The following XRN1 variants were observed in gnomAD, a reference collection of about 807,000 sequenced individuals.
XRN1 encodes 5'-3' exoribonuclease 1, also known as strand-exchange protein 1 homolog.
XRN1 carries 67 observed loss-of-function variants against 222.3 expected under a neutral mutation model. The ratio of observed to expected loss-of-function variants is 0.30; its 90% CI spans 0.25 to 0.37. The LOEUF (loss-of-function observed/expected upper bound fraction) is 0.37. Ranked by LOEUF, XRN1 falls within the 10% of genes least tolerant of loss-of-function variation. XRN1 has a pLI of 1.00. For synonymous variants in XRN1, 643 were observed against 652.4 expected (o/e 0.99, Z 0.22); for missense variants, 1,707 against 2,000.2 (o/e 0.85, Z 2.80).
intron 2 of XRN1, 25 bp downstream of exon 2, chr3:142,432,636 C>T (rs759860798): frequency 1.7e-5 from 25 of 1,507,056 alleles, no homozygotes; most frequent in Admixed American, 2.2e-5. Flanking sequence ...AAATAATATT[C>T]CAAAATAAAA....
At chr3:142,408,036 T>C (rs1055429991) in intron 15 of XRN1, among the ~76,000 whole-genome samples, 2 of 152,242 alleles carry the variant, frequency 1.3e-5, no homozygotes, top group Non-Finnish European at 1.5e-5. Flanking sequence ...CTTCAGGTCA[T>C]ATATGGACAT....
intron 39 of XRN1, among the ~76,000 whole-genome samples, chr3:142,314,954 T>G (rs1335710795): frequency 6.9e-6 from 1 of 145,048 alleles, no homozygotes; most frequent in Non-Finnish European, 1.5e-5. Flanking sequence ...GTCGTCTGTT[T>G]TTTTTTTTTT....
At chr3:142,375,717 A>G (rs2067122028) in intron 25 of XRN1, 81 bp downstream of exon 25, 1 of 1,355,384 alleles carries the variant, frequency 7.4e-7, no homozygotes, top group African/African-American at 1.5e-5. Context: ...TTTGTCCTCT[A>G]AAACTAATAT....
chr3:142,359,169 C>A (rs960912948), intron 30 of XRN1, among the ~76,000 whole-genome samples: 3 of 152,148 alleles, frequency 2.0e-5, no homozygotes, highest in Admixed American at 2.0e-4. Flanking sequence ...CACTTTCCCC[C>A]AAAACACTTG....
intron 20 of XRN1, among the ~76,000 whole-genome samples, chr3:142,390,714 T>G (rs1371070586): frequency 6.6e-6 from 1 of 152,214 alleles, no homozygotes; most frequent in African/African-American, 2.4e-5. Context: ...CTTCAAGAAT[T>G]TTTCTTTTGT....
At chr3:142,355,252 T>TAA in intron 32 of XRN1, 149 bp downstream of exon 32, 1 of 413,758 alleles carries the variant, frequency 2.4e-6, no homozygotes, top group Non-Finnish European at 4.0e-6. Context: ...TTGAAATTAT[T>TAA]TAAAAAAAGA....
At chr3:142,419,743 G>A (rs2068931285) in intron 10 of XRN1, among the ~76,000 whole-genome samples, 1 of 152,074 alleles carries the variant, frequency 6.6e-6, no homozygotes, top group Non-Finnish European at 1.5e-5. Context: ...AGGAGGTAGA[G>A]GTTGCAGTGA....
At chr3:142,405,367 G>C (rs1358164062) in intron 15 of XRN1, among the ~76,000 whole-genome samples, 1 of 152,134 alleles carries the variant, frequency 6.6e-6, no homozygotes, top group Non-Finnish European at 1.5e-5. Context: ...CAAATTTTAA[G>C]TGTGAATCTA....
rs1338964189 is a variant in XRN1 at position 142,318,803 on chromosome 3, G to A, written c.4505C>T (p.Ala1502Val). 1 of 1,613,750 alleles carries A rather than the reference G, an allele frequency of 6.2e-7. No individual in the cohort carries two copies. Among genetic ancestry groups the A allele is most frequent in the Non-Finnish European group, 8.5e-7 (1 of 1,179,878 alleles). ...GACAGTTCTTACCAACTGTTGTAAAGCAAAAAGTGCAGCTTTCTCTTTGGC... is the reference window on the plus strand; with the variant it reads ...GACAGTTCTTACCAACTGTTGTAAAACAAAAAGTGCAGCTTTCTCTTTGGC... ...NEAKEKAALF[A>V]LQQLGSLGMN... is the part of the protein sequence containing the mutation. The change falls in exon 38 of 41, where the codon GCT (alanine) becomes GTT (valine). Residue 1502 changes from alanine to valine, a missense_variant. Ala to Val is a moderately conservative substitution (Grantham distance 64). Coordinates refer to ENST00000392981, the MANE Select transcript of XRN1 (RefSeq NM_001282857.2).
Position 142,333,024 on chromosome 3 carries a change from T to C in XRN1, c.4005A>G (p.Ser1335=). 2 of 1,613,866 alleles carry C rather than the reference T, an allele frequency of 1.2e-6. No homozygotes were observed. The highest frequency in any genetic ancestry group is 1.7e-6 in the Non-Finnish European group (2 of 1,179,858). ...CACTTGGAGGCTCCCCATGATGAGA[T>C]GACTGTACTTCATTTTCTTTGGAGA... ...LNISKENEVQ[S]SHHGEPPSEE... is the part of the protein sequence containing the mutation. The change falls in exon 35 of 41, where the codon TCA becomes TCG. Residue 1335 remains serine (S), a synonymous_variant. Coordinates refer to ENST00000392981, the MANE Select transcript of XRN1 (RefSeq NM_001282857.2).
Position 142,310,492 on chromosome 3 carries a change from G to C in XRN1, c.*1019C>G, listed in dbSNP as rs2065052211. ...GCATAAAGCTAAAAATATAGAATCAGAATGAAATAGGCAGTAAATAATGTA... is the reference window on the plus strand; with the variant it reads ...GCATAAAGCTAAAAATATAGAATCACAATGAAATAGGCAGTAAATAATGTA... On this transcript the variant is annotated 3_prime_UTR_variant, in exon 41 of 41. Transcript: ENST00000392981. The C allele has an allele frequency of 6.6e-6, 1 of 152,444 alleles. No homozygotes were observed. Among genetic ancestry groups the C allele is most frequent in the African/African-American group, 2.4e-5 (1 of 41,408 alleles). The allele number at this position is 152,444 out of a possible 1,614,324, so 9.4% of individuals were successfully genotyped here.
rs1339179005 is a variant in XRN1 at position 142,309,116 on chromosome 3, G to C, written c.*2395C>G. On this transcript the variant is annotated 3_prime_UTR_variant, in exon 41 of 41. Transcript: ENST00000392981. Reference sequence around the variant, plus strand: ...ATGGGTCTACAGGGGGAAAAGAATAGAGAATGCCTGACCACTATCCAGCCA... The same window carrying C: ...ATGGGTCTACAGGGGGAAAAGAATACAGAATGCCTGACCACTATCCAGCCA... The C allele has an allele frequency of 2.0e-5, 3 of 152,076 alleles. No homozygotes were observed. Among genetic ancestry groups the C allele is most frequent in the Non-Finnish European group, 4.4e-5 (3 of 68,034 alleles). The allele number at this position is 152,076 out of a possible 1,614,324, so 9.4% of individuals were successfully genotyped here. A position where few individuals can be genotyped will look rare whatever the true frequency, so the allele number is the denominator to read the frequency against.
intron 37 of XRN1, among the ~76,000 whole-genome samples, chr3:142,322,680 C>A (rs563019493): frequency 1.3e-4 from 19 of 148,552 alleles, no homozygotes; most frequent in Non-Finnish European, 2.2e-4. Flanking sequence ...TGTCCCCAAA[C>A]AAACAAACAA....
chr3:142,386,515 T>C (rs1382090869), intron 20 of XRN1, among the ~76,000 whole-genome samples: 1 of 152,104 alleles, frequency 6.6e-6, no homozygotes, highest in Admixed American at 6.5e-5. Context: ...GAAATTTCCT[T>C]AACCTGATAA....
rs764747215 is a variant in XRN1 at position 142,400,421 on chromosome 3, A to G, written c.2207+23T>C. 1.3e-5 allele frequency: 20 copies of G among 1,561,218 alleles called. No individual in the cohort carries two copies. The East Asian group carries it at 4.3e-4, about 33-fold the overall frequency. The stretch of plus-strand genomic sequence containing the variant: ...CACAAAGCAAATATATGTTAGAAAA[A>G]TTATAAATCAAATCTTACTTACTTA... On this transcript the variant is annotated intron_variant, in intron 19 of 40. Transcript: ENST00000392981.
At chr3:142,438,666 T>C (rs181341526) in intron 1 of XRN1, among the ~76,000 whole-genome samples, 28 of 152,194 alleles carry the variant, frequency 1.8e-4, no homozygotes, top group Admixed American at 2.6e-4. Context: ...AAATGACTTA[T>C]ACTCTTCTGC....
rs183032052 is a variant in XRN1 at position 142,433,960 on chromosome 3, T to C, written c.76-1067A>G. ...AACATATTTTTATGAAATACCTATT[T>C]ATATAGTATTGTATGTACAAGCATA... On this transcript the variant is annotated intron_variant, in intron 1 of 40. Coordinates refer to ENST00000392981, the MANE Select transcript of XRN1 (RefSeq NM_001282857.2). Among the ~76,000 whole-genome samples, 542 of 152,268 alleles carry C rather than the reference T, an allele frequency of 3.6e-3. 8 individuals are homozygous for C. The highest frequency in any genetic ancestry group is 0.013 in the African/African-American group (529 of 41,552).
intron 15 of XRN1, 120 bp from the exon 16 acceptor site, chr3:142,405,196 A>C: frequency 3.2e-6 from 3 of 924,540 alleles, no homozygotes; most frequent in Non-Finnish European, 4.8e-6. Flanking sequence ...AAAACAAAAA[A>C]CCAAAATCTT....
At chr3:142,319,571 A>G (rs2065294627) in intron 37 of XRN1, among the ~76,000 whole-genome samples, 1 of 152,154 alleles carries the variant, frequency 6.6e-6, no homozygotes, top group African/African-American at 2.4e-5. Context: ...AGTTACATGG[A>G]TATACTACAT....
Sources: allele counts gnomAD v4.1 joint callset (sites outside exome capture counted in the v4.1 genomes callset), GRCh38; gene constraint gnomAD v4.1.1; transcripts MANE v1.5; gene names NCBI Gene and HGNC (gene_info 2026-07-23, HGNC 2026-07-21).